MAP2K5: variants seen among roughly 807,000 people sequenced by gnomAD.
The protein encoded by MAP2K5 is dual specificity mitogen-activated protein kinase kinase 5.
Under a neutral mutation model 83.1 loss-of-function variants are expected in MAP2K5, and 49 were observed. The ratio of observed to expected loss-of-function variants is 0.59; its 90% confidence interval spans 0.47 to 0.75. MAP2K5 has a LOEUF of 0.75. Among genes scored for constraint, MAP2K5 ranks in the 30% least tolerant of loss-of-function variants. The probability of loss-of-function intolerance (pLI) is 0.00; values close to 1 mark genes in which losing one functional copy is unlikely to be tolerated. For synonymous variants in MAP2K5, 202 were observed against 191.8 expected (o/e 1.05, Z -0.44); for missense variants, 457 against 557.5 (o/e 0.82, Z 1.82).
intron 8 of MAP2K5, among the ~76,000 whole-genome samples, chr15:67,609,487 ATAGGTCTATAGATTCTG>A (rs1252425923): frequency 2.0e-5 from 3 of 147,726 alleles, no homozygotes; most frequent in Non-Finnish European, 3.0e-5. Context: ...GACCTATTCT[ATAGGTCTATAGATTCTG>A]TAGACCTATT....
chr15:67,755,157 T>C lies in MAP2K5; in HGVS notation c.1134+6556T>C, dbSNP rs1479617688. ...GCCCAGCTAATTTTTTTGTGTGTTT[T>C]TAGTAGAGATGGGGTTTCACCATGT... On this transcript the variant is annotated intron_variant, in intron 19 of 21. Coordinates refer to ENST00000178640, the MANE Select transcript of MAP2K5 (RefSeq NM_145160.3). This position sits in a 1 kb window ranked among gnomAD's most constrained non-coding sequence, Gnocchi z 4.7. 6.6e-6 allele frequency among the ~76,000 whole-genome samples: 1 copy of C among 152,054 alleles called. No individual in the cohort carries two copies. The highest frequency in any genetic ancestry group is 1.5e-5 in the Non-Finnish European group (1 of 68,004).
intron 7 of MAP2K5, among the ~76,000 whole-genome samples, chr15:67,596,896 G>A (rs1283796095): frequency 6.6e-6 from 1 of 152,162 alleles, no homozygotes; most frequent in Admixed American, 6.5e-5. Flanking sequence ...AATTGGCCGG[G>A]CATGGTGGCT....
chr15:67,675,099 T>C (rs1311722261), intron 13 of MAP2K5, among the ~76,000 whole-genome samples: 1 of 152,178 alleles, frequency 6.6e-6, no homozygotes, highest in Non-Finnish European at 1.5e-5. Flanking sequence ...TTCCTGGGCA[T>C]TTATCCCAGA....
At chr15:67,664,049 A>G (rs1241825850) in intron 12 of MAP2K5, among the ~76,000 whole-genome samples, 1 of 152,144 alleles carries the variant, frequency 6.6e-6, no homozygotes, top group African/African-American at 2.4e-5. Context: ...ATACACATGC[A>G]CTTATTTCTT....
intron 17 of MAP2K5, among the ~76,000 whole-genome samples, chr15:67,745,949 C>T (rs2089596352): frequency 6.6e-6 from 1 of 152,114 alleles, no homozygotes; most frequent in African/African-American, 2.4e-5. Context: ...TAATATGTTG[C>T]TATCAAAACT....
intron 19 of MAP2K5, among the ~76,000 whole-genome samples, chr15:67,767,201 G>A (rs1015006908): frequency 6.6e-6 from 1 of 152,166 alleles, no homozygotes; most frequent in South Asian, 2.1e-4. Context: ...CATGCAAGAT[G>A]TCACATTTCC....
At chr15:67,624,156 A>G (rs372441406) in intron 8 of MAP2K5, among the ~76,000 whole-genome samples, 85 of 151,450 alleles carry the variant, frequency 5.6e-4, no homozygotes, top group South Asian at 2.9e-3. Flanking sequence ...TGGCTAACAC[A>G]GTGAAACCCC....
Position 67,775,429 on chromosome 15 carries a change from C to T in MAP2K5, c.1242+2677C>T, listed in dbSNP as rs1297862940. Among the ~76,000 whole-genome samples the T allele has an allele frequency of 6.6e-6, 1 of 152,196 alleles. No individual in the cohort carries two copies. The highest frequency in any genetic ancestry group is 2.4e-5 in the African/African-American group (1 of 41,436). Reference sequence around the variant, plus strand: ...GCTGCTGTGGTTTTCTGGCATGTAGCCATGAAGCTACATCAGAAGTGCTCT... The same window carrying T: ...GCTGCTGTGGTTTTCTGGCATGTAGTCATGAAGCTACATCAGAAGTGCTCT... On this transcript the variant is annotated intron_variant, in intron 21 of 21. Transcript: ENST00000178640. This position sits in a 1 kb window ranked among gnomAD's most constrained non-coding sequence, Gnocchi z 5.3.
At chr15:67,620,326 G>A (rs1470716829) in intron 8 of MAP2K5, among the ~76,000 whole-genome samples, 1 of 152,158 alleles carries the variant, frequency 6.6e-6, no homozygotes, top group Non-Finnish European at 1.5e-5. Context: ...AGCCGAGACT[G>A]CACCACTGCA....
At chr15:67,762,739 C>T (rs1020195243) in intron 19 of MAP2K5, among the ~76,000 whole-genome samples, 1 of 152,160 alleles carries the variant, frequency 6.6e-6, no homozygotes, top group African/African-American at 2.4e-5. Context: ...TACCCAGAGA[C>T]AGATTCCTTT....
intron 19 of MAP2K5, among the ~76,000 whole-genome samples, chr15:67,765,783 A>G (rs1315493152): frequency 6.6e-6 from 1 of 152,110 alleles, no homozygotes; most frequent in Non-Finnish European, 1.5e-5. Context: ...ATTTTCTGCT[A>G]CTTGCCTTTT....
chr15:67,588,062 G>A lies in MAP2K5; in HGVS notation c.431+1149G>A, dbSNP rs944435257. On this transcript the variant is annotated intron_variant, in intron 6 of 21. Coordinates refer to ENST00000178640, the MANE Select transcript of MAP2K5 (RefSeq NM_145160.3). ...TCTTGCCAGTGTACAGTCCTGAGCT[G>A]CAGTCATTCCCTGCTTTAAAACCTT... 6 of 984,420 alleles carry A rather than the reference G, an allele frequency of 6.1e-6. No individual in the cohort carries two copies. The African/African-American group carries it at 1.0e-4, about 17-fold the overall frequency. The allele number at this position is 984,420 out of a possible 1,614,324, so 61.0% of individuals were successfully genotyped here.
At chr15:67,574,705 A>T (rs1208279026) in intron 3 of MAP2K5, among the ~76,000 whole-genome samples, 1 of 151,622 alleles carries the variant, frequency 6.6e-6, no homozygotes, top group Non-Finnish European at 1.5e-5. Flanking sequence ...CGTCTCTACT[A>T]AAAATACAAA....
intron 13 of MAP2K5, among the ~76,000 whole-genome samples, chr15:67,675,095 G>A (rs995846566): frequency 6.6e-6 from 1 of 152,066 alleles, no homozygotes; most frequent in Non-Finnish European, 1.5e-5. Context: ...TGCATTCCTG[G>A]GCATTTATCC....
chr15:67,602,158 C>T (rs1179016320), intron 8 of MAP2K5, among the ~76,000 whole-genome samples: 1 of 152,238 alleles, frequency 6.6e-6, no homozygotes, highest in East Asian at 1.9e-4. Context: ...ACGCAACCTC[C>T]ACTATAAACG....
At chr15:67,763,243 A>G (rs535384688) in intron 19 of MAP2K5, among the ~76,000 whole-genome samples, 2 of 152,210 alleles carry the variant, frequency 1.3e-5, no homozygotes, top group East Asian at 3.9e-4. Context: ...TCATGAAATC[A>G]AAAATAAACT....
chr15:67,562,095 A>C lies in MAP2K5; in HGVS notation c.185-1188A>C, dbSNP rs1428285084. On this transcript the variant is annotated intron_variant, in intron 2 of 21. Transcript: ENST00000178640. The surrounding 1 kb of genome is among the most constrained non-coding windows in gnomAD (Gnocchi z 4.1). ...AACAAAAATAATAATTCCGATTGTT[A>C]ACACCAGAACTGAGGCATCCTGCTG... is the stretch of plus-strand genomic sequence containing the variant. 6.6e-6 allele frequency among the ~76,000 whole-genome samples: 1 copy of C among 152,264 alleles called. No individual in the cohort carries two copies. The highest frequency in any genetic ancestry group is 2.4e-5 in the African/African-American group (1 of 41,468).
Position 67,738,758 on chromosome 15 carries a change from A to G in MAP2K5, c.1075-9473A>G, listed in dbSNP as rs1241138648. ...GGTAATTTTTAAATGCATCTAAGTA[A>G]TACCTTATTTGAACTAGAGTTATTT... On this transcript the variant is annotated intron_variant, in intron 17 of 21. Coordinates refer to ENST00000178640, the MANE Select transcript of MAP2K5 (RefSeq NM_145160.3). This position sits in a 1 kb window ranked among gnomAD's most constrained non-coding sequence, Gnocchi z 4.1. Among the ~76,000 whole-genome samples, 1 of 152,202 alleles carries G rather than the reference A, an allele frequency of 6.6e-6. No homozygotes were observed. The highest frequency in any genetic ancestry group is 3.2e-3 in the Middle Eastern group (1 of 316).
chr15:67,711,252 G>A (rs1228111695), intron 16 of MAP2K5, among the ~76,000 whole-genome samples: 1 of 152,134 alleles, frequency 6.6e-6, no homozygotes, highest in Non-Finnish European at 1.5e-5. Flanking sequence ...AGAAAATAAA[G>A]ATCAGAGTTT....
Sources: allele counts gnomAD v4.1 joint callset (sites outside exome capture counted in the v4.1 genomes callset), GRCh38; gene constraint gnomAD v4.1.1; non-coding constraint Gnocchi (gnomAD v3.1); transcripts MANE v1.5; gene names NCBI Gene and HGNC (gene_info 2026-07-23, HGNC 2026-07-21).